COL9A1: variants seen among roughly 807,000 people sequenced by gnomAD.
COL9A1 encodes the protein collagen type IX alpha 1 chain.
A neutral mutation model predicts 142.6 loss-of-function variants in COL9A1; 104 were observed. The observed-to-expected ratio is 0.73, with a 90% confidence interval of 0.62 to 0.86. The LOEUF is 0.86. Ranked by LOEUF, COL9A1 falls within the 40% of genes least tolerant of loss-of-function variation. COL9A1 has a pLI of 0.00. For synonymous variants in COL9A1, 466 were observed against 396.0 expected (o/e 1.18, Z -2.10); for missense variants, 1,210 against 1,176.6 (o/e 1.03, Z -0.42).
chr6:70,271,782 G>T, intron 13 of COL9A1, 74 bp from the exon 14 acceptor site: 1 of 1,358,244 alleles, frequency 7.4e-7, no homozygotes, highest in South Asian at 1.2e-5. Flanking sequence ...TATCAAATAT[G>T]ATAAATATTA....
intron 17 of COL9A1, among the ~76,000 whole-genome samples, chr6:70,267,327 G>GTTTTTTTTTTTTTTTTTTTTTTTTTTT (rs61373051): frequency 1.6e-5 from 2 of 127,032 alleles, no homozygotes; most frequent in Non-Finnish European, 3.3e-5. Flanking sequence ...TGGTTTTTTT[G>GTTTTTTTTTTTTTTTTTTTTTTTTTTT]TTTTTTTTTT....
chr6:70,234,517 C>A (rs1385860624), intron 35 of COL9A1, 22 bp downstream of exon 35: 1 of 1,613,168 alleles, frequency 6.2e-7, no homozygotes. Flanking sequence ...TGGAAAAAGT[C>A]AAACCATTGT....
chr6:70,252,347 C>A, intron 26 of COL9A1, 32 bp from the exon 27 acceptor site: 1 of 1,594,708 alleles, frequency 6.3e-7, no homozygotes, highest in East Asian at 2.2e-5. Flanking sequence ...CAAAATAACT[C>A]ATGCTGAAGT....
At chr6:70,290,081 G>C (rs1773599376) in intron 5 of COL9A1, among the ~76,000 whole-genome samples, 6 of 152,058 alleles carry the variant, frequency 3.9e-5, no homozygotes, top group Admixed American at 3.9e-4. Flanking sequence ...GGCTTCTTTG[G>C]AATATGCTCA....
At position 70,256,958 on chromosome 6, in the gene COL9A1, G is replaced by A. The variant is rs115195321; in HGVS notation, c.1450-137C>T. Reference sequence around the variant, plus strand: ...TGTAATACACACAGTGATCCCTGAGGAGTAATTACTCAGGCACCTCAGGTA... The same window carrying A: ...TGTAATACACACAGTGATCCCTGAGAAGTAATTACTCAGGCACCTCAGGTA... On this transcript the variant is annotated intron_variant, in intron 20 of 37. Coordinates refer to ENST00000357250, the MANE Select transcript of COL9A1 (RefSeq NM_001851.6). 2.5e-3 allele frequency: 1,845 copies of A among 728,174 alleles called. 24 individuals carry two copies. In the African/African-American group the frequency reaches 0.029, roughly 11 times the overall value. The allele number at this position is 728,174 out of a possible 1,614,324, so 45.1% of individuals were successfully genotyped here.
chr6:70,227,473 C>A (rs561892582), intron 36 of COL9A1, among the ~76,000 whole-genome samples: 1 of 121,596 alleles, frequency 8.2e-6, no homozygotes, highest in Non-Finnish European at 1.7e-5. Context: ...CCTATAAGAT[C>A]GGCAAAAATT....
At chr6:70,245,301 C>T (rs540848918) in intron 28 of COL9A1, among the ~76,000 whole-genome samples, 2 of 152,174 alleles carry the variant, frequency 1.3e-5, no homozygotes, top group Non-Finnish European at 2.9e-5. Context: ...ACAGTTATCT[C>T]TGAAAACATA....
At chr6:70,232,310 C>T (rs901764992) in intron 36 of COL9A1, among the ~76,000 whole-genome samples, 3 of 152,048 alleles carry the variant, frequency 2.0e-5, no homozygotes, top group African/African-American at 7.2e-5. Flanking sequence ...TGTTTTGAAC[C>T]ATGATTGAGG....
rs1583312768 is a variant in COL9A1, at chr6:70,274,981, G to A, written c.976-209C>T. The A allele has an allele frequency of 1.4e-5, 8 of 570,670 alleles. No homozygotes were observed. The East Asian group carries it at 2.1e-4, about 15-fold the overall frequency. 35.4% of individuals were successfully genotyped at this position (570,670 alleles called of 1,614,324 possible). ...TGTTGTGATTATTTCTTCTTGATAAGTTGTATCATACTCCTAACTTCCTGC... is the reference window on the plus strand; with the variant it reads ...TGTTGTGATTATTTCTTCTTGATAAATTGTATCATACTCCTAACTTCCTGC... On this transcript the variant is annotated intron_variant, in intron 10 of 37. Coordinates refer to ENST00000357250, the MANE Select transcript of COL9A1 (RefSeq NM_001851.6).
intron 28 of COL9A1, among the ~76,000 whole-genome samples, chr6:70,249,251 CT>C (rs1290227401): frequency 6.6e-6 from 1 of 151,876 alleles, no homozygotes; most frequent in African/African-American, 2.4e-5. Flanking sequence ...TGTGTGCAGA[CT>C]CAGGGAACTA....
chr6:70,252,283 C>T lies in COL9A1; in HGVS notation c.1797G>A (p.Gln599=). The T allele has an allele frequency of 5.0e-6, 8 of 1,614,240 alleles. No homozygotes were observed. Among genetic ancestry groups the T allele is most frequent in the Non-Finnish European group, 6.8e-6 (8 of 1,180,026 alleles). ...TTACCGGTTTGCCTGAATTTCCCAT[C>T]TGACCAGGCTTCCCTGGAGCACCTG... The part of the protein sequence containing the change: ...GSTGAPGKPG[Q]MGNSGKPGQQ... The change falls in exon 27 of 38, where the codon CAG becomes CAA. Residue 599 remains glutamine (Q), a synonymous_variant. Transcript: ENST00000357250.
chr6:70,296,932 A>G (rs1454699791), intron 4 of COL9A1, among the ~76,000 whole-genome samples: 1 of 152,084 alleles, frequency 6.6e-6, no homozygotes, highest in African/African-American at 2.4e-5. Context: ...CTTAAGCATT[A>G]TTTTTCCAGG....
intron 35 of COL9A1, among the ~76,000 whole-genome samples, chr6:70,233,914 T>C (rs1199027994): frequency 6.6e-6 from 1 of 152,246 alleles, no homozygotes; most frequent in Non-Finnish European, 1.5e-5. Flanking sequence ...TAGGGTGCTT[T>C]TGCACATCTT....
intron 36 of COL9A1, among the ~76,000 whole-genome samples, chr6:70,229,600 C>T (rs1188650878): frequency 6.6e-6 from 1 of 152,136 alleles, no homozygotes; most frequent in African/African-American, 2.4e-5. Context: ...ATTGCAGTGT[C>T]TGTTTGATTC....
chr6:70,274,269 T>A (rs970855282), intron 11 of COL9A1, among the ~76,000 whole-genome samples, 187 bp from the exon 12 acceptor site: 3 of 151,958 alleles, frequency 2.0e-5, no homozygotes, highest in Admixed American at 2.0e-4. Context: ...TAGGTAAACA[T>A]GTTCCATGGT....
chr6:70,219,006 T>C (rs1184761568), intron 37 of COL9A1, among the ~76,000 whole-genome samples: 1 of 152,196 alleles, frequency 6.6e-6, no homozygotes, highest in African/African-American at 2.4e-5. Context: ...CATTATGTGT[T>C]TTCTTTTAAT....
chr6:70,280,619 T>C (rs1396971855), intron 10 of COL9A1, 193 bp downstream of exon 10: 10 of 1,295,294 alleles, frequency 7.7e-6, no homozygotes, highest in Non-Finnish European at 9.4e-6. Context: ...AGAGGTATCC[T>C]CACCTTCACA....
At chr6:70,274,567 A>G in intron 11 of COL9A1, 152 bp downstream of exon 11, 1 of 710,710 alleles carries the variant, frequency 1.4e-6, no homozygotes, top group South Asian at 1.5e-5. Context: ...GCTGCATAGT[A>G]TTCCACATCA....
intron 30 of COL9A1, 71 bp from the exon 31 acceptor site, chr6:70,241,525 G>A: frequency 2.3e-6 from 3 of 1,298,002 alleles, no homozygotes; most frequent in Non-Finnish European, 3.3e-6. Context: ...GAACCTTATT[G>A]GGTGGGTGGA....
Sources: gnomAD v4.1 joint callset for allele counts (sites outside exome capture counted in the v4.1 genomes callset) on GRCh38, gnomAD v4.1.1 for gene constraint, MANE v1.5 for transcripts, NCBI Gene and HGNC (gene_info 2026-07-23, HGNC 2026-07-21) for gene names.